Variants in GNG4 observed in about 807,000 individuals in gnomAD.
GNG4 encodes G protein subunit gamma 4, also known as guanine nucleotide-binding protein G(I)/G(S)/G(O) subunit gamma-4.
Under a neutral mutation model 5.8 loss-of-function variants are expected in GNG4, and 4 were observed. That is an observed-to-expected ratio of 0.69 (90% confidence interval 0.34 to 1.57). The LOEUF (loss-of-function observed/expected upper bound fraction) is 1.57, where lower values mean the gene tolerates loss of function less well. Ranked by LOEUF, GNG4 falls within the 40% of genes most tolerant of loss-of-function variation. The pLI is 0.06. For missense variants in GNG4, 96 were observed against 95.1 expected (o/e 1.01, Z -0.04); for synonymous variants, 29 against 32.9 (o/e 0.88, Z 0.41).
intron 1 of GNG4, among the ~76,000 whole-genome samples, chr1:235,623,653 C>G (rs1423332508): frequency 6.6e-6 from 1 of 152,204 alleles, no homozygotes; most frequent in Non-Finnish European, 1.5e-5. Flanking sequence ...ATTCCACTCC[C>G]ATACCTTGCA....
chr1:235,586,774 G>T (rs1215302399), intron 2 of GNG4, among the ~76,000 whole-genome samples: 2 of 152,174 alleles, frequency 1.3e-5, no homozygotes, highest in African/African-American at 2.4e-5. Flanking sequence ...GCTTCCTGAG[G>T]CCTCACCAGG....
intron 1 of GNG4, among the ~76,000 whole-genome samples, chr1:235,611,870 C>T (rs1021654884): frequency 4.6e-5 from 7 of 151,752 alleles, no homozygotes; most frequent in South Asian, 4.2e-4. Flanking sequence ...CAAGAACAGC[C>T]GAGGCAACAT....
intron 3 of GNG4, among the ~76,000 whole-genome samples, chr1:235,577,222 C>T (rs753843242): frequency 3.9e-5 from 6 of 152,148 alleles, no homozygotes; most frequent in Admixed American, 6.6e-5. Context: ...TACCTGCCCT[C>T]GCCTGGGATG....
At chr1:235,635,378 C>G (rs931208020) in intron 1 of GNG4, among the ~76,000 whole-genome samples, 4 of 151,892 alleles carry the variant, frequency 2.6e-5, no homozygotes, top group African/African-American at 9.7e-5. Context: ...CGCCTGTAAT[C>G]CCAGCTACTT....
intron 1 of GNG4, among the ~76,000 whole-genome samples, chr1:235,604,644 T>A (rs1688323002): frequency 6.6e-6 from 1 of 152,190 alleles, no homozygotes; most frequent in Non-Finnish European, 1.5e-5. Context: ...TCATCTTCGC[T>A]CCTTATAAAG....
intron 2 of GNG4, among the ~76,000 whole-genome samples, chr1:235,595,088 G>A (rs551163292): frequency 1.4e-4 from 22 of 152,204 alleles, no homozygotes; most frequent in African/African-American, 3.6e-4. Context: ...CACACAGCAC[G>A]GTTCCCCAGC....
At chr1:235,552,694 ATCC>A (rs1460571004) in intron 3 of GNG4, among the ~76,000 whole-genome samples, 8 of 152,334 alleles carry the variant, frequency 5.3e-5, no homozygotes, top group East Asian at 1.9e-4. Flanking sequence ...GAGACACTTC[ATCC>A]TCCTCAACAG....
At chr1:235,591,212 T>C (rs1208449768) in intron 2 of GNG4, among the ~76,000 whole-genome samples, 4 of 152,176 alleles carry the variant, frequency 2.6e-5, no homozygotes, top group Admixed American at 2.0e-4. Context: ...GCTCCGCCAC[T>C]GCTCCTGGCT....
intron 2 of GNG4, among the ~76,000 whole-genome samples, chr1:235,589,127 T>A (rs1337192377): frequency 2.0e-5 from 3 of 152,226 alleles, no homozygotes; most frequent in Non-Finnish European, 4.4e-5. Flanking sequence ...TAACTCCACT[T>A]GTCATCACAG....
chr1:235,564,984 GT>G (rs1687158558), intron 3 of GNG4, among the ~76,000 whole-genome samples: 1 of 152,044 alleles, frequency 6.6e-6, no homozygotes, highest in African/African-American at 2.4e-5. Flanking sequence ...CGCCCAGCCA[GT>G]TATTCTTAAT....
chr1:235,599,055 G>A (rs554672497), intron 1 of GNG4, among the ~76,000 whole-genome samples: 5 of 152,082 alleles, frequency 3.3e-5, no homozygotes, highest in East Asian at 1.9e-4. Flanking sequence ...GTGCAGCCGC[G>A]TTTGAGACAC....
chr1:235,593,444 T>C (rs1474500656), intron 2 of GNG4, among the ~76,000 whole-genome samples: 1 of 152,232 alleles, frequency 6.6e-6, no homozygotes, highest in African/African-American at 2.4e-5. Flanking sequence ...CTACGACTTC[T>C]GTCCATGAGC....
intron 3 of GNG4, among the ~76,000 whole-genome samples, chr1:235,553,492 A>G (rs1032026698): frequency 2.0e-5 from 3 of 152,222 alleles, no homozygotes; most frequent in African/African-American, 7.2e-5. Context: ...AAGAAAAAAA[A>G]TGTTTAGAAG....
At chr1:235,596,705 G>C (rs1688132950) in intron 1 of GNG4, among the ~76,000 whole-genome samples, 1 of 152,052 alleles carries the variant, frequency 6.6e-6, no homozygotes, top group South Asian at 2.1e-4. Context: ...GAAGAGATCA[G>C]ACGACTCGAA....
intron 1 of GNG4, among the ~76,000 whole-genome samples, chr1:235,602,856 A>G (rs1688285262): frequency 6.6e-6 from 1 of 152,150 alleles, no homozygotes; most frequent in South Asian, 2.1e-4. Flanking sequence ...CTGTAAGAAA[A>G]ATTGGCTTTG....
chr1:235,646,419 G>A (rs1441614944), intron 1 of GNG4, among the ~76,000 whole-genome samples: 2 of 152,210 alleles, frequency 1.3e-5, no homozygotes, highest in Non-Finnish European at 2.9e-5. Flanking sequence ...AGTCACTGCT[G>A]TTTTTTGCAA....
intron 1 of GNG4, among the ~76,000 whole-genome samples, chr1:235,640,402 G>A (rs951000560): frequency 6.6e-6 from 1 of 152,186 alleles, no homozygotes; most frequent in Non-Finnish European, 1.5e-5. Flanking sequence ...ATGTCCAGGG[G>A]ATGAGGCCCA....
At chr1:235,579,688 A>G (rs573297321) in intron 3 of GNG4, among the ~76,000 whole-genome samples, 51 of 151,908 alleles carry the variant, frequency 3.4e-4, no homozygotes, top group Non-Finnish European at 5.6e-4. Context: ...CCCTGTCTCT[A>G]CTAAAAACAA....
chr1:235,590,560 C>T (rs764257481), intron 2 of GNG4, among the ~76,000 whole-genome samples: 49 of 152,180 alleles, frequency 3.2e-4, no homozygotes, highest in Non-Finnish European at 3.1e-4. Flanking sequence ...TTCGGGAGCA[C>T]TGGGTAAACA....
Sources: gnomAD v4.1 joint callset for allele counts (sites outside exome capture counted in the v4.1 genomes callset) on GRCh38, gnomAD v4.1.1 for gene constraint, MANE v1.5 for transcripts, NCBI Gene and HGNC (gene_info 2026-07-23, HGNC 2026-07-21) for gene names.